The following USP34 variants were observed in gnomAD, a reference collection of about 807,000 sequenced individuals.
USP34 encodes ubiquitin specific peptidase 34, also known as ubiquitin carboxyl-terminal hydrolase 34.
In USP34, 70 loss-of-function variants were observed where a neutral mutation model predicts 460.3. The ratio of observed to expected loss-of-function variants is 0.15; its 90% CI spans 0.13 to 0.19. The LOEUF (loss-of-function observed/expected upper bound fraction) is 0.19. Among genes scored for constraint, USP34 ranks in the 10% least tolerant of loss-of-function variants. USP34 has a pLI of 1.00. For synonymous variants in USP34, 1,647 were observed against 1,405.3 expected, an observed-to-expected ratio of 1.17 and a Z score of -3.85; for missense variants, 3,985 against 4,236.2, an observed-to-expected ratio of 0.94 and a Z score of 1.65.
At position 61,206,869 on chromosome 2, in the gene USP34, G is replaced by A. The variant is rs1438135794; in HGVS notation, c.8937C>T (p.His2979=). The A allele has an allele frequency of 1.6e-5, 26 of 1,611,052 alleles. No individual in the cohort carries two copies. The highest frequency in any genetic ancestry group is 5.4e-5 in the African/African-American group (4 of 74,706). The change falls in exon 71 of 80, where the codon CAC becomes CAT. Residue 2979 remains histidine, a synonymous_variant. Coordinates refer to ENST00000398571, the MANE Select transcript of USP34 (RefSeq NM_014709.4). The stretch of plus-strand genomic sequence containing the variant: ...AAGCTGTAGCTTCGTGATACATCAT[G>A]TGCAAAGTGTTGAAAGACTACAAAT... The part of the protein sequence containing the change: ...ILMTESFNTL[H]MMYHEATACH...
chr2:61,262,950 T>A (rs1243110148), intron 43 of USP34, among the ~76,000 whole-genome samples: 3 of 152,184 alleles, frequency 2.0e-5, no homozygotes, highest in Non-Finnish European at 4.4e-5. Flanking sequence ...CTGAGCATTT[T>A]TTCATATGCT....
chr2:61,275,195 C>T (rs1689335040), intron 41 of USP34, among the ~76,000 whole-genome samples: 1 of 152,114 alleles, frequency 6.6e-6, no homozygotes, highest in South Asian at 2.1e-4. Flanking sequence ...GGGAGGACTG[C>T]TTGAGCCTGG....
rs1688486195 is a variant in USP34 at position 61,248,554 on chromosome 2, G to A, written c.6351C>T (p.Pro2117=). ...TTCCCATAAGAAAATCTTCTGTATAGGGCGTCATGTCCAAACGTAATGGGA... is the reference window on the plus strand; with the variant it reads ...TTCCCATAAGAAAATCTTCTGTATAAGGCGTCATGTCCAAACGTAATGGGA... ...FSFPLRLDMT[P]YTEDFLMGKS... Residue 2117 remains proline (P), a synonymous_variant, in exon 49 of 80, where the codon CCC becomes CCT. Transcript: ENST00000398571. The A allele has an allele frequency of 1.2e-6, 2 of 1,605,554 alleles. No homozygotes were observed. Among genetic ancestry groups the A allele is most frequent in the Admixed American group, 1.7e-5 (1 of 59,444 alleles).
intron 1 of USP34, among the ~76,000 whole-genome samples, chr2:61,433,596 T>C (rs1170039289): frequency 6.6e-6 from 1 of 152,144 alleles, no homozygotes; most frequent in Non-Finnish European, 1.5e-5. Flanking sequence ...ATCGTGCCAC[T>C]GCACTCCAGC....
chr2:61,388,584 G>C (rs1487140640), intron 5 of USP34, among the ~76,000 whole-genome samples: 4 of 151,738 alleles, frequency 2.6e-5, no homozygotes. Flanking sequence ...GTGAAACCCT[G>C]CCTCTACTAA....
chr2:61,406,473 A>G (rs946903991), intron 2 of USP34, among the ~76,000 whole-genome samples: 2 of 152,192 alleles, frequency 1.3e-5, no homozygotes, highest in African/African-American at 4.8e-5. Context: ...TAGGAAACTT[A>G]TAACAAAATA....
At chr2:61,241,700 T>C in intron 52 of USP34, 45 bp from the exon 53 acceptor site, 1 of 1,534,864 alleles carries the variant, frequency 6.5e-7, no homozygotes, top group Non-Finnish European at 8.8e-7. Context: ...TGACAAAGTA[T>C]TACTCTAAAA....
Position 61,385,997 on chromosome 2 carries a change from C to CAA in USP34, c.754-2663_754-2662dup, listed in dbSNP as rs58518474. On this transcript the variant is annotated intron_variant, in intron 5 of 79. Transcript: ENST00000398571. ...AGGTGACAAAGTGAGACTCTGTCTCCAAAAAAAAAAAAAAAAAGAAATATG... is the reference window on the plus strand; with the variant it reads ...AGGTGACAAAGTGAGACTCTGTCTCCAAAAAAAAAAAAAAAAAAAGAAATATG... 2.0e-3 allele frequency among the ~76,000 whole-genome samples: 202 copies of CAA among 99,350 alleles called. 1 individual carries two copies. The highest frequency in any genetic ancestry group is 3.9e-3 in the East Asian group (13 of 3,344). The allele number at this position is 99,350 out of a possible 152,430, so 65.2% of individuals were successfully genotyped here.
chr2:61,210,271 A>C (rs1272453399), intron 69 of USP34, among the ~76,000 whole-genome samples: 1 of 152,220 alleles, frequency 6.6e-6, no homozygotes, highest in African/African-American at 2.4e-5. Context: ...ATTCATGGTA[A>C]GTGCCCTACA....
intron 10 of USP34, among the ~76,000 whole-genome samples, chr2:61,355,512 A>G (rs1692075580): frequency 6.6e-6 from 1 of 152,234 alleles, no homozygotes; most frequent in Non-Finnish European, 1.5e-5. Flanking sequence ...AAGCTGGTAT[A>G]AATTGAAATT....
At chr2:61,310,318 G>A (rs1465645056) in intron 27 of USP34, among the ~76,000 whole-genome samples, 1 of 151,936 alleles carries the variant, frequency 6.6e-6, no homozygotes, top group African/African-American at 2.4e-5. Flanking sequence ...GTTTGTAATA[G>A]CAAAATAATG....
chr2:61,371,635 T>A (rs981282867), intron 8 of USP34, among the ~76,000 whole-genome samples: 4 of 151,864 alleles, frequency 2.6e-5, no homozygotes, highest in African/African-American at 4.8e-5. Flanking sequence ...AAGAAAAAAA[T>A]TTTTAAATAA....
At chr2:61,201,932 T>C (rs1232333726) in intron 75 of USP34, among the ~76,000 whole-genome samples, 4 of 152,228 alleles carry the variant, frequency 2.6e-5, no homozygotes, top group Non-Finnish European at 5.9e-5. Flanking sequence ...ATGATGGGTT[T>C]TGGCCTTTTA....
chr2:61,262,806 T>C (rs1688931401), intron 43 of USP34, among the ~76,000 whole-genome samples: 1 of 152,224 alleles, frequency 6.6e-6, no homozygotes, highest in Admixed American at 6.5e-5. Context: ...ATCAGCAGTG[T>C]ATATGCATTC....
chr2:61,397,540 C>T (rs879859017), intron 3 of USP34, among the ~76,000 whole-genome samples: 3 of 151,986 alleles, frequency 2.0e-5, no homozygotes, highest in Non-Finnish European at 4.4e-5. Flanking sequence ...CCAAGGCCGG[C>T]GAATCACTTG....
At chr2:61,370,908 T>C (rs72813570) in intron 8 of USP34, among the ~76,000 whole-genome samples, 5,689 of 152,298 alleles carry the variant, frequency 0.037, 167 homozygotes, top group Non-Finnish European at 0.056. Flanking sequence ...ACAGTATGTA[T>C]TGAAGCACTC....
chr2:61,350,753 T>A, intron 10 of USP34, 60 bp from the exon 11 acceptor site: 1 of 1,541,322 alleles, frequency 6.5e-7, no homozygotes, highest in Non-Finnish European at 8.7e-7. Context: ...GTAGATTACC[T>A]GATATAAAAA....
intron 34 of USP34, among the ~76,000 whole-genome samples, chr2:61,285,720 A>G (rs554606214): frequency 2.0e-5 from 3 of 152,298 alleles, no homozygotes; most frequent in African/African-American, 4.8e-5. Context: ...AAGTAGTAAT[A>G]GATTCCTCAA....
intron 10 of USP34, among the ~76,000 whole-genome samples, chr2:61,356,475 G>GCGCGCGCACA (rs369666693): frequency 2.6e-4 from 33 of 128,330 alleles, no homozygotes; most frequent in African/African-American, 7.3e-4. Flanking sequence ...GGGTGAAAGC[G>GCGCGCGCACA]CACACACACA....
Sources: allele counts gnomAD v4.1 joint callset (sites outside exome capture counted in the v4.1 genomes callset), GRCh38; gene constraint gnomAD v4.1.1; transcripts MANE v1.5; gene names NCBI Gene and HGNC (gene_info 2026-07-23, HGNC 2026-07-21).